Variants in ACACA observed in about 807,000 individuals in gnomAD.
The protein encoded by ACACA is acetyl-CoA carboxylase 1.
ACACA carries 103 observed loss-of-function variants against 296.1 expected under a neutral mutation model. The observed-to-expected ratio is 0.35, with a 90% confidence interval of 0.30 to 0.41. The LOEUF (loss-of-function observed/expected upper bound fraction) is 0.41, where lower values mean the gene tolerates loss of function less well. Among genes scored for constraint, ACACA ranks in the 10% least tolerant of loss-of-function variants. The pLI, the probability that ACACA is intolerant of heterozygous loss-of-function variation, is 1.00. For missense variants in ACACA, 1,554 were observed against 2,989.7 expected, an observed-to-expected ratio of 0.52 and a Z score of 11.20; for synonymous variants, 953 against 1,038.6, an observed-to-expected ratio of 0.92 and a Z score of 1.58.
intron 25 of ACACA, among the ~76,000 whole-genome samples, chr17:37,229,819 C>T (rs1195537839): frequency 6.6e-6 from 1 of 151,902 alleles, no homozygotes; most frequent in African/African-American, 2.4e-5. Flanking sequence ...CCTGTAATCC[C>T]AGCACTTTGG....
chr17:37,107,750 G>C (rs1281106059), intron 52 of ACACA, among the ~76,000 whole-genome samples: 1 of 152,274 alleles, frequency 6.6e-6, no homozygotes, highest in East Asian at 1.9e-4. Flanking sequence ...TTTTGAGAGA[G>C]AGGGACAGTG....
intron 34 of ACACA, 45 bp from the exon 35 acceptor site, chr17:37,200,228 G>A: frequency 6.6e-7 from 1 of 1,525,178 alleles, no homozygotes; most frequent in Non-Finnish European, 9.1e-7. Context: ...GCAGAAGTTG[G>A]CAATTAGTAA....
At chr17:37,331,928 A>G (rs1018401407) in intron 2 of ACACA, among the ~76,000 whole-genome samples, 27 of 152,148 alleles carry the variant, frequency 1.8e-4, no homozygotes, top group Admixed American at 5.2e-4. Context: ...ACTTGTCCTC[A>G]TGAGTTTTTT....
intron 5 of ACACA, among the ~76,000 whole-genome samples, chr17:37,278,615 A>G (rs1034067259): frequency 1.3e-4 from 20 of 152,194 alleles, no homozygotes; most frequent in African/African-American, 4.8e-4. Flanking sequence ...GTCACCTAAC[A>G]TCTCTATTTT....
chr17:37,096,106 T>C (rs1379055067), intron 54 of ACACA, among the ~76,000 whole-genome samples: 3 of 152,252 alleles, frequency 2.0e-5, no homozygotes, highest in African/African-American at 7.2e-5. Flanking sequence ...GTTGTAGTCA[T>C]GGCATCTCCT....
At chr17:37,318,261 G>C (rs2047186032) in intron 3 of ACACA, among the ~76,000 whole-genome samples, 1 of 152,072 alleles carries the variant, frequency 6.6e-6, no homozygotes, top group African/African-American at 2.4e-5. Context: ...TTTTTGAGAT[G>C]GAGTCTTGCT....
chr17:37,121,210 C>A (rs2074512312), intron 50 of ACACA, 145 bp downstream of exon 50: 2 of 1,060,690 alleles, frequency 1.9e-6, no homozygotes, highest in Non-Finnish European at 2.8e-6. Context: ...AGTTGCAACT[C>A]AAAAGATGTC....
intron 30 of ACACA, among the ~76,000 whole-genome samples, 172 bp from the exon 31 acceptor site, chr17:37,207,972 A>G (rs2078582682): frequency 6.6e-6 from 1 of 152,136 alleles, no homozygotes; most frequent in Non-Finnish European, 1.5e-5. Flanking sequence ...ATTCATGTTA[A>G]CCCTTTCTTT....
chr17:37,320,494 G>A (rs1287857715), intron 3 of ACACA, among the ~76,000 whole-genome samples: 1 of 151,588 alleles, frequency 6.6e-6, no homozygotes, highest in African/African-American at 2.4e-5. Flanking sequence ...CTGGGCGACA[G>A]AGCGAGACTT....
intron 1 of ACACA, among the ~76,000 whole-genome samples, chr17:37,350,244 C>A (rs562340601): frequency 1.3e-5 from 2 of 151,726 alleles, no homozygotes; most frequent in Admixed American, 1.3e-4. Flanking sequence ...TATGGGCGGA[C>A]TGCTTGATTC....
chr17:37,371,934 A>C (rs1011223504), intron 1 of ACACA, among the ~76,000 whole-genome samples: 5 of 151,444 alleles, frequency 3.3e-5, no homozygotes, highest in African/African-American at 4.9e-5. Flanking sequence ...AAAGAAATAA[A>C]ATGGCCATGC....
intron 3 of ACACA, among the ~76,000 whole-genome samples, chr17:37,321,385 G>A (rs531275073): frequency 2.2e-3 from 336 of 152,292 alleles, no homozygotes; most frequent in Non-Finnish European, 3.7e-3. Flanking sequence ...AGCACTTTGG[G>A]AGGCCAAGGC....
chr17:37,358,120 G>A (rs1226392868), intron 1 of ACACA, among the ~76,000 whole-genome samples: 1 of 152,012 alleles, frequency 6.6e-6, no homozygotes, highest in Non-Finnish European at 1.5e-5. Flanking sequence ...AAAAATATCT[G>A]AAATTAAACT....
intron 43 of ACACA, among the ~76,000 whole-genome samples, chr17:37,154,214 G>A (rs1325677756): frequency 6.6e-6 from 1 of 152,002 alleles, no homozygotes; most frequent in African/African-American, 2.4e-5. Context: ...GGCTGACATG[G>A]GACAATCTCT....
At chr17:37,092,734 T>G (rs1191706566) in intron 54 of ACACA, among the ~76,000 whole-genome samples, 3 of 152,220 alleles carry the variant, frequency 2.0e-5, no homozygotes, top group Non-Finnish European at 4.4e-5. Flanking sequence ...TGGGAGCTGC[T>G]GGGAGACACC....
chr17:37,367,461 C>T (rs1487752556), intron 1 of ACACA: 3 of 152,112 alleles, frequency 2.0e-5, no homozygotes, highest in Non-Finnish European at 4.4e-5. Flanking sequence ...GCTCTTTAAT[C>T]AGGCTATGCT....
chr17:37,246,814 C>T lies in ACACA; in HGVS notation c.2460+12G>A, dbSNP rs551724325. The T allele has an allele frequency of 1.9e-6, 3 of 1,613,504 alleles. No homozygotes were observed. The highest frequency in any genetic ancestry group is 1.3e-5 in the African/African-American group (1 of 75,012). On this transcript the variant is annotated intron_variant, in intron 19 of 55. Transcript: ENST00000616317. ...CCCTCCCATGATCCCACAGTCCTTT[C>T]ACCACCCTGACCTCAATCTCAGCAT...
chr17:37,368,808 G>A (rs1318536111), intron 1 of ACACA: 1 of 152,116 alleles, frequency 6.6e-6, no homozygotes, highest in Admixed American at 6.6e-5. Context: ...ACACAGGAAA[G>A]ATTCTTTGGC....
At chr17:37,209,701 G>A (rs1348002660) in intron 30 of ACACA, among the ~76,000 whole-genome samples, 2 of 152,168 alleles carry the variant, frequency 1.3e-5, no homozygotes, top group African/African-American at 4.8e-5. Flanking sequence ...ATAGTTCCAC[G>A]TGTAGCTGAT....
Sources: gnomAD v4.1 joint callset for allele counts (sites outside exome capture counted in the v4.1 genomes callset) on GRCh38, gnomAD v4.1.1 for gene constraint, MANE v1.5 for transcripts, NCBI Gene and HGNC (gene_info 2026-07-23, HGNC 2026-07-21) for gene names.